Variants in DGLUCY observed in about 807,000 individuals in gnomAD.
DGLUCY encodes D-glutamate cyclase, also known as D-glutamate cyclase, mitochondrial.
A neutral mutation model predicts 58.5 loss-of-function variants in DGLUCY; 58 were observed. The observed-to-expected ratio is 0.99, with a 90% CI of 0.80 to 1.23. The LOEUF is 1.23. Among genes scored for constraint, DGLUCY ranks in the 50% most tolerant of loss-of-function variants. DGLUCY has a pLI of 0.00. For missense variants in DGLUCY, 779 were observed against 784.7 expected, an observed-to-expected ratio of 0.99 and a Z score of 0.09; for synonymous variants, 325 against 314.1, an observed-to-expected ratio of 1.03 and a Z score of -0.37.
In DGLUCY at chr14:91,181,151, T is replaced by C. The variant is rs780845281; in HGVS notation, c.731-35T>C. 5 of 1,598,004 alleles carry C rather than the reference T, an allele frequency of 3.1e-6. No homozygotes were observed. The Admixed American group carries it at 8.4e-5, about 27-fold the overall frequency. On this transcript the variant is annotated intron_variant, in intron 7 of 13. Transcript: ENST00000256324. The stretch of plus-strand genomic sequence containing the variant: ...TGAGGGTAGGCTGGACTTGATGAAG[T>C]GGCTGGGCTCAGACCCTCCTGCTGT...
At chr14:91,212,579 G>A (rs1007557450) in intron 12 of DGLUCY, among the ~76,000 whole-genome samples, 13 of 151,140 alleles carry the variant, frequency 8.6e-5, no homozygotes, top group Admixed American at 5.9e-4. Context: ...GCTCATGCCT[G>A]TAATCCCAGC....
chr14:91,109,576 G>A (rs1239246885), upstream of DGLUCY, among the ~76,000 whole-genome samples: 1 of 152,184 alleles, frequency 6.6e-6, no homozygotes, highest in Non-Finnish European at 1.5e-5. Flanking sequence ...TGAGGCAGAA[G>A]TGGGTCAGAA....
intron 1 of DGLUCY, among the ~76,000 whole-genome samples, chr14:91,079,753 T>G (rs2044093158): frequency 6.6e-6 from 1 of 152,220 alleles, no homozygotes; most frequent in African/African-American, 2.4e-5. Flanking sequence ...ATTGTTGTAC[T>G]AGAAAAGATT....
intron 1 of DGLUCY, among the ~76,000 whole-genome samples, chr14:91,070,383 A>T (rs1423919355): frequency 6.6e-6 from 1 of 152,214 alleles, no homozygotes; most frequent in Non-Finnish European, 1.5e-5. Flanking sequence ...TCTCATGGAG[A>T]GGAAATACTG....
At chr14:91,199,543 A>AT (rs2050424541) in intron 10 of DGLUCY, among the ~76,000 whole-genome samples, 1 of 152,072 alleles carries the variant, frequency 6.6e-6, no homozygotes, top group Non-Finnish European at 1.5e-5. Context: ...ATGAACCACC[A>AT]TGCCCAGCCC....
At chr14:91,169,298 A>C (rs973822373) in intron 4 of DGLUCY, among the ~76,000 whole-genome samples, 2 of 151,898 alleles carry the variant, frequency 1.3e-5, no homozygotes, top group African/African-American at 4.8e-5. Context: ...GAAAGGCCTC[A>C]CCCACTACTG....
Position 91,170,108 on chromosome 14 carries a change from C to T in DGLUCY, c.363C>T (p.Phe121=), listed in dbSNP as rs746349527. The change falls in exon 5 of 14, where the codon TTC becomes TTT. Residue 121 remains phenylalanine (F), a synonymous_variant. Coordinates refer to ENST00000256324, the MANE Select transcript of DGLUCY (RefSeq NM_001102368.3). The stretch of plus-strand genomic sequence containing the variant: ...AGCTGAAGGACATGGTGGCCTTCTT[C>T]CTGGGCTGCAGCTTCTCCCTGGAGG... ...SEQLKDMVAF[F]LGCSFSLEEA... 4.1e-5 allele frequency: 66 copies of T among 1,613,026 alleles called. No individual in the cohort carries two copies. Among genetic ancestry groups the T allele is most frequent in the Non-Finnish European group, 5.3e-5 (63 of 1,180,046 alleles).
chr14:91,060,604 T>G, exon 1 of DGLUCY: 1 of 914,528 alleles, frequency 1.1e-6, no homozygotes, highest in Non-Finnish European at 1.4e-6. Context: ...GGCTCGCTCC[T>G]CGCCTCCTCC....
intron 11 of DGLUCY, among the ~76,000 whole-genome samples, chr14:91,201,105 G>A (rs146634984): frequency 4.1e-4 from 62 of 152,158 alleles, no homozygotes; most frequent in African/African-American, 1.5e-3. Context: ...GGGCGGGGAG[G>A]GTGTATTGTC....
At chr14:91,196,943 T>C (rs894398688) in intron 10 of DGLUCY, among the ~76,000 whole-genome samples, 1 of 152,116 alleles carries the variant, frequency 6.6e-6, no homozygotes, top group Non-Finnish European at 1.5e-5. Flanking sequence ...TGTGTATTTC[T>C]TACTGTGTGT....
chr14:91,124,841 A>G (rs910657914), intron 1 of DGLUCY, among the ~76,000 whole-genome samples: 5 of 152,248 alleles, frequency 3.3e-5, no homozygotes, highest in Non-Finnish European at 5.9e-5. Context: ...TCTGCTATCC[A>G]TAATAAAGAA....
At chr14:91,118,512 A>T (rs1185519955) in intron 1 of DGLUCY, among the ~76,000 whole-genome samples, 1 of 152,084 alleles carries the variant, frequency 6.6e-6, no homozygotes, top group Non-Finnish European at 1.5e-5. Context: ...GAAGAAACAT[A>T]TTTGGGGGTA....
intron 1 of DGLUCY, among the ~76,000 whole-genome samples, chr14:91,137,614 C>A (rs1159740904): frequency 6.7e-6 from 1 of 149,262 alleles, no homozygotes; most frequent in Non-Finnish European, 1.5e-5. Flanking sequence ...CCAGGATGGT[C>A]TTGATCTCCT....
chr14:91,086,852 T>G (rs2044230023), intron 1 of DGLUCY, among the ~76,000 whole-genome samples: 1 of 152,122 alleles, frequency 6.6e-6, no homozygotes, highest in Admixed American at 6.6e-5. Context: ...CTCCGAGGCT[T>G]AAGCCATTCT....
intron 1 of DGLUCY, among the ~76,000 whole-genome samples, chr14:91,071,042 C>A (rs1595606044): frequency 6.6e-6 from 1 of 152,016 alleles, no homozygotes; most frequent in African/African-American, 2.4e-5. Context: ...CTTAAGAAGT[C>A]TAAAGGCTGA....
intron 8 of DGLUCY, among the ~76,000 whole-genome samples, chr14:91,183,179 A>G (rs760241606): frequency 6.6e-6 from 1 of 151,774 alleles, no homozygotes; most frequent in Non-Finnish European, 1.5e-5. Flanking sequence ...TATTTTTAGT[A>G]GAGACGGGGT....
chr14:91,109,617 T>C (rs370754243), upstream of DGLUCY, among the ~76,000 whole-genome samples: 21 of 152,176 alleles, frequency 1.4e-4, no homozygotes, highest in African/African-American at 4.3e-4. Context: ...ATGAGGTTCC[T>C]CTTCCTGGCT....
chr14:91,077,690 T>C (rs1348083741), intron 1 of DGLUCY, among the ~76,000 whole-genome samples: 1 of 148,934 alleles, frequency 6.7e-6, no homozygotes, highest in Non-Finnish European at 1.5e-5. Flanking sequence ...AGGCGGAGGT[T>C]GCAGTGAGCC....
At chr14:91,089,421 A>G (rs145162466) in intron 1 of DGLUCY, among the ~76,000 whole-genome samples, 175 of 152,322 alleles carry the variant, frequency 1.1e-3, no homozygotes, top group African/African-American at 4.2e-3. Flanking sequence ...AGTTCTGGCA[A>G]TAAAACCCTC....
Sources: allele counts gnomAD v4.1 joint callset (sites outside exome capture counted in the v4.1 genomes callset), GRCh38; gene constraint gnomAD v4.1.1; transcripts MANE v1.5; gene names NCBI Gene and HGNC (gene_info 2026-07-23, HGNC 2026-07-21).